The following GPAT4 variants were observed in gnomAD, a reference collection of about 807,000 sequenced individuals.
The protein encoded by GPAT4 is 1-AGP acyltransferase 6.
Under a neutral mutation model 58.0 loss-of-function variants are expected in GPAT4, and 17 were observed. The observed-to-expected ratio is 0.29, with a 90% CI of 0.20 to 0.44. The LOEUF is 0.44. Among genes scored for constraint, GPAT4 ranks in the 20% least tolerant of loss-of-function variants. The probability of loss-of-function intolerance (pLI) is 1.00; values close to 1 mark genes in which losing one functional copy is unlikely to be tolerated. For synonymous variants in GPAT4, 204 were observed against 210.1 expected, an observed-to-expected ratio of 0.97 and a Z score of 0.25; for missense variants, 377 against 574.5, an observed-to-expected ratio of 0.66 and a Z score of 3.51.
intron 2 of GPAT4, 93 bp downstream of exon 2, chr8:41,599,397 T>A: frequency 7.0e-7 from 1 of 1,426,396 alleles, no homozygotes; most frequent in Non-Finnish European, 9.6e-7. Flanking sequence ...ATCTCTTTAT[T>A]AGATAGGGAG....
chr8:41,613,976 C>A (rs549645248), intron 8 of GPAT4, among the ~76,000 whole-genome samples: 138 of 152,338 alleles, frequency 9.1e-4, no homozygotes, highest in African/African-American at 3.2e-3. Context: ...GATGAACTCT[C>A]CCCTAACTCC....
rs1803010077 is a variant in GPAT4, at chr8:41,599,000, G to A, written c.-140G>A. On this transcript the variant is annotated 5_prime_UTR_variant, in exon 2 of 13. Coordinates refer to ENST00000396987, the MANE Select transcript of GPAT4 (RefSeq NM_178819.4). ...CAGGCCTTCTATTCAGGCGGTTGAA[G>A]GGTGTGGACTTTGGAATGGGGTTTG... is the stretch of plus-strand genomic sequence containing the variant. 8.8e-7 allele frequency: 1 copy of A among 1,131,820 alleles called. No individual in the cohort carries two copies. The highest frequency in any genetic ancestry group is 2.5e-5 in the East Asian group (1 of 40,748). 70.1% of individuals were successfully genotyped at this position (1,131,820 alleles called of 1,614,324 possible). A position where few individuals can be genotyped will look rare whatever the true frequency, so the allele number is the denominator to read the frequency against.
rs1802513017 is a variant in GPAT4 at position 41,581,685 on chromosome 8, G to C, written c.-849+3407G>C. Among the ~76,000 whole-genome samples, 3 of 146,454 alleles carry C rather than the reference G, an allele frequency of 2.0e-5. No homozygotes were observed. The Admixed American group carries it at 2.1e-4, about 10-fold the overall frequency. ...GCTCTGTCGCCCAGGCTGGAGTGCA[G>C]TGGCGCAATCTCGGCTCACTGCAAG... is the stretch of plus-strand genomic sequence containing the variant. On this transcript the variant is annotated intron_variant, in intron 1 of 12. Transcript: ENST00000396987.
At position 41,599,064 on chromosome 8, in the gene GPAT4, C is replaced by G. The variant is rs1283608706; in HGVS notation, c.-76C>G. 6.6e-7 allele frequency: 1 copy of G among 1,524,564 alleles called. No homozygotes were observed. The highest frequency in any genetic ancestry group is 8.8e-7 in the Non-Finnish European group (1 of 1,138,130). The allele number at this position is 1,524,564 out of a possible 1,614,324, so 94.4% of individuals were successfully genotyped here. A position where few individuals can be genotyped will look rare whatever the true frequency, so the allele number is the denominator to read the frequency against. On this transcript the variant is annotated 5_prime_UTR_variant, in exon 2 of 13. Transcript: ENST00000396987. ...ACTTGCTTCCTTTCCCTGGCTGGTG[C>G]TGTCAGGAAGGACCATCTGAAGGCT... is the stretch of plus-strand genomic sequence containing the variant.
At chr8:41,609,321 G>A (rs1563276849) in intron 2 of GPAT4, 95 bp from the exon 3 acceptor site, 2 of 1,300,822 alleles carry the variant, frequency 1.5e-6, no homozygotes, top group African/African-American at 1.5e-5. Flanking sequence ...TTAGGTGACT[G>A]GGACTGAGGC....
intron 4 of GPAT4, chr8:41,610,440 G>C: frequency 1.6e-6 from 2 of 1,278,218 alleles, no homozygotes; most frequent in East Asian, 7.8e-5. Flanking sequence ...GAGGGCAGCA[G>C]GGAGCAGCCC....
chr8:41,580,746 G>A (rs1194380952), intron 1 of GPAT4, among the ~76,000 whole-genome samples: 2 of 152,172 alleles, frequency 1.3e-5, no homozygotes, highest in Non-Finnish European at 1.5e-5. Context: ...GTTTATGGAA[G>A]TACCACTGCA....
chr8:41,580,440 C>T (rs571243816), intron 1 of GPAT4, among the ~76,000 whole-genome samples: 4 of 152,170 alleles, frequency 2.6e-5, no homozygotes, highest in Non-Finnish European at 5.9e-5. Context: ...ATGGGTTAGA[C>T]TTTCTTACAA....
Position 41,609,484 on chromosome 8 carries a change from C to T in GPAT4, c.234C>T (p.Asn78=), listed in dbSNP as rs144487713. Residue 78 remains asparagine (N), a splice_region_variant and synonymous_variant, in exon 3 of 13, where the codon AAC becomes AAT. Transcript: ENST00000396987. ...KNHQLYKPYT[N]GIIAKDPTSL... Reference sequence around the variant, plus strand: ...ACCAGCTTTACAAGCCCTACACCAACGGTAAGATGGGGGTGTGATCCTTGT... The same window carrying T: ...ACCAGCTTTACAAGCCCTACACCAATGGTAAGATGGGGGTGTGATCCTTGT... 1.2e-5 allele frequency: 19 copies of T among 1,614,132 alleles called. No homozygotes were observed. The highest frequency in any genetic ancestry group is 1.6e-4 in the Middle Eastern group (1 of 6,062).
chr8:41,583,115 A>G (rs1257440396), intron 1 of GPAT4, among the ~76,000 whole-genome samples: 2 of 152,204 alleles, frequency 1.3e-5, no homozygotes, highest in Admixed American at 6.5e-5. Context: ...AATCCCAGGT[A>G]TGAGGGAGGC....
At chr8:41,612,824 G>A in intron 7 of GPAT4, 21 bp from the exon 8 acceptor site, 1 of 1,606,422 alleles carries the variant, frequency 6.2e-7, no homozygotes. Flanking sequence ...CACTACTAAT[G>A]AGTCCTGTGC....
At chr8:41,585,757 G>T (rs1254093417) in intron 1 of GPAT4, among the ~76,000 whole-genome samples, 1 of 152,136 alleles carries the variant, frequency 6.6e-6, no homozygotes, top group East Asian at 1.9e-4. Flanking sequence ...TGTATGTTTG[G>T]CCATCATGCT....
At chr8:41,590,278 G>A (rs1339690025) in intron 1 of GPAT4, among the ~76,000 whole-genome samples, 1 of 152,128 alleles carries the variant, frequency 6.6e-6, no homozygotes, top group Non-Finnish European at 1.5e-5. Context: ...GTAGAGATGG[G>A]GTTTCACCAT....
chr8:41,584,821 G>A (rs1384222741), intron 1 of GPAT4: 2 of 152,062 alleles, frequency 1.3e-5, no homozygotes, highest in South Asian at 4.2e-4. Flanking sequence ...TACCAGTGCC[G>A]TGTTACTTAT....
chr8:41,624,882 C>G lies in GPAT4; in HGVS notation c.*3881C>G, dbSNP rs1803871490. ...TCTCATATGCATTCTGGCCGGCCAG[C>G]TGCATTGATTTCCTATTAGTCTCCC... is the stretch of plus-strand genomic sequence containing the variant. On this transcript the variant is annotated 3_prime_UTR_variant, in exon 13 of 13. Coordinates refer to ENST00000396987, the MANE Select transcript of GPAT4 (RefSeq NM_178819.4). 6.6e-6 allele frequency: 1 copy of G among 152,230 alleles called. No homozygotes were observed. The highest frequency in any genetic ancestry group is 1.5e-5 in the Non-Finnish European group (1 of 68,048). 9.4% of individuals were successfully genotyped at this position (152,230 alleles called of 1,614,324 possible).
chr8:41,615,102 G>A, intron 10 of GPAT4, 54 bp downstream of exon 10: 1 of 1,490,370 alleles, frequency 6.7e-7, no homozygotes, highest in East Asian at 2.3e-5. Context: ...TGTGAGTGGG[G>A]TGCAGCAGGA....
rs150791991 is a variant in GPAT4 at position 41,601,433 on chromosome 8, C to T, written c.165+2129C>T. On this transcript the variant is annotated intron_variant, in intron 2 of 12. Transcript: ENST00000396987. ...TCTCGAGCAGCACACAGGATCCCTG[C>T]GGATGGTATAACTTACACCTGGGCC... Among the ~76,000 whole-genome samples the T allele has an allele frequency of 3.3e-3, 496 of 152,250 alleles. 3 individuals are homozygous for T. Among genetic ancestry groups the T allele is most frequent in the South Asian group, 0.01 (50 of 4,828 alleles).
chr8:41,618,151 A>G (rs1354653149), intron 10 of GPAT4, among the ~76,000 whole-genome samples: 4 of 152,208 alleles, frequency 2.6e-5, no homozygotes, highest in Admixed American at 2.6e-4. Context: ...GTGTAAATGT[A>G]GAAGCTTTCT....
At chr8:41,582,657 G>A (rs982861147) in intron 1 of GPAT4, among the ~76,000 whole-genome samples, 1 of 132,688 alleles carries the variant, frequency 7.5e-6, no homozygotes, top group Non-Finnish European at 1.6e-5. Flanking sequence ...ATTCCACAAG[G>A]GGAGGGAGAG....
Sources: allele counts gnomAD v4.1 joint callset (sites outside exome capture counted in the v4.1 genomes callset), GRCh38; gene constraint gnomAD v4.1.1; transcripts MANE v1.5; gene names NCBI Gene and HGNC (gene_info 2026-07-23, HGNC 2026-07-21).